Variants in ACTN4 observed in about 807,000 individuals in gnomAD.
ACTN4 encodes alpha-actinin-4.
A neutral mutation model predicts 114.2 loss-of-function variants in ACTN4; 18 were observed. The observed-to-expected ratio is 0.16, with a 90% CI of 0.11 to 0.23. ACTN4 has a LOEUF of 0.23. Among genes scored for constraint, ACTN4 ranks in the 10% least tolerant of loss-of-function variants. The pLI is 1.00. For synonymous variants in ACTN4, 515 were observed against 506.3 expected, an observed-to-expected ratio of 1.02 and a Z score of -0.23; for missense variants, 722 against 1,262.9, an observed-to-expected ratio of 0.57 and a Z score of 6.49.
At chr19:38,701,254 C>G in intron 3 of ACTN4, 133 bp downstream of exon 3, 2 of 1,437,364 alleles carry the variant, frequency 1.4e-6, no homozygotes, top group East Asian at 4.8e-5. Flanking sequence ...CCAGTACATA[C>G]TCAGCAGTGA....
At chr19:38,670,777 G>C (rs1331648219) in intron 1 of ACTN4, among the ~76,000 whole-genome samples, 22 of 152,062 alleles carry the variant, frequency 1.4e-4, no homozygotes, top group Admixed American at 1.4e-3. Flanking sequence ...ACAAAAATTA[G>C]CTGAGCGTGG....
chr19:38,698,742 AGGT>A (rs1004493580), intron 1 of ACTN4, among the ~76,000 whole-genome samples: 1 of 152,070 alleles, frequency 6.6e-6, no homozygotes, highest in African/African-American at 2.4e-5. Flanking sequence ...CCATGGTGAG[AGGT>A]GGTGGTGGGG....
At chr19:38,705,270 C>G (rs1568724133) in intron 4 of ACTN4, among the ~76,000 whole-genome samples, 1 of 152,200 alleles carries the variant, frequency 6.6e-6, no homozygotes, top group Non-Finnish European at 1.5e-5. Context: ...CTCACGCCAC[C>G]CTCATGAGAT....
intron 1 of ACTN4, among the ~76,000 whole-genome samples, chr19:38,673,225 G>A (rs912556676): frequency 6.6e-6 from 1 of 151,450 alleles, no homozygotes; most frequent in Admixed American, 6.6e-5. Context: ...TTACAGGCAT[G>A]AGCCACCACA....
At chr19:38,703,370 C>T (rs1968347635) in intron 3 of ACTN4, among the ~76,000 whole-genome samples, 1 of 151,792 alleles carries the variant, frequency 6.6e-6, no homozygotes, top group African/African-American at 2.4e-5. Context: ...TCCAGAGTAG[C>T]TGGGATTACA....
chr19:38,716,354 C>T (rs1359579527), intron 9 of ACTN4, among the ~76,000 whole-genome samples: 1 of 152,272 alleles, frequency 6.6e-6, no homozygotes, highest in Non-Finnish European at 1.5e-5. Context: ...CCTAGCCAGA[C>T]TGAGCCAGGT....
chr19:38,664,504 G>A (rs1379109410), intron 1 of ACTN4, among the ~76,000 whole-genome samples: 1 of 152,124 alleles, frequency 6.6e-6, no homozygotes, highest in African/African-American at 2.4e-5. Flanking sequence ...CTCAGTTCGT[G>A]CAAGTAAGGT....
At chr19:38,713,208 T>A (rs1260699694) in intron 8 of ACTN4, among the ~76,000 whole-genome samples, 1 of 152,204 alleles carries the variant, frequency 6.6e-6, no homozygotes, top group East Asian at 1.9e-4. Context: ...CACCGAAGCG[T>A]TCCCGCCTCG....
chr19:38,675,562 A>G (rs1967347032), intron 1 of ACTN4, among the ~76,000 whole-genome samples: 1 of 152,114 alleles, frequency 6.6e-6, no homozygotes, highest in Non-Finnish European at 1.5e-5. Flanking sequence ...AAGCCCAGAA[A>G]TTTCTTTCAA....
At chr19:38,650,931 C>G (rs939690304) in intron 1 of ACTN4, among the ~76,000 whole-genome samples, 1 of 152,194 alleles carries the variant, frequency 6.6e-6, no homozygotes, top group Non-Finnish European at 1.5e-5. Context: ...CGGGGTTTCT[C>G]CATGTTGGTC....
At chr19:38,726,539 A>C (rs1416861676) in intron 17 of ACTN4, among the ~76,000 whole-genome samples, 1 of 152,140 alleles carries the variant, frequency 6.6e-6, no homozygotes, top group East Asian at 1.9e-4. Context: ...GGGACATTAC[A>C]AGCTGGTCGC....
At position 38,713,694 on chromosome 19, in the gene ACTN4, C is replaced by T. The variant is rs1968742878; in HGVS notation, c.820-775C>T. On this transcript the variant is annotated intron_variant, in intron 8 of 20. Coordinates refer to ENST00000252699, the MANE Select transcript of ACTN4 (RefSeq NM_004924.6). ...TGGCCAAGCCTCTCCATTTTCCTTC[C>T]CCATCACTCTGTAGACCCTCCTCAC... is the stretch of plus-strand genomic sequence containing the variant. Among the ~76,000 whole-genome samples the T allele has an allele frequency of 2.6e-5, 4 of 152,212 alleles. No individual in the cohort carries two copies. The South Asian group carries it at 8.3e-4, about 32-fold the overall frequency.
At chr19:38,665,889 A>T (rs1266021598) in intron 1 of ACTN4, among the ~76,000 whole-genome samples, 1 of 152,000 alleles carries the variant, frequency 6.6e-6, no homozygotes, top group African/African-American at 2.4e-5. Context: ...GCAAAGTCCA[A>T]CTCAAGTTAG....
chr19:38,715,351 G>C (rs1238183097), intron 9 of ACTN4, among the ~76,000 whole-genome samples: 1 of 152,120 alleles, frequency 6.6e-6, no homozygotes, highest in Non-Finnish European at 1.5e-5. Flanking sequence ...ACAAAAATTA[G>C]CCGGGTGTTG....
rs1360372158 is a variant in ACTN4, at chr19:38,700,581, C to A, written c.163-19C>A. 3 of 1,602,742 alleles carry A rather than the reference C, an allele frequency of 1.9e-6. No homozygotes were observed. The highest frequency in any genetic ancestry group is 2.6e-6 in the Non-Finnish European group (3 of 1,169,690). ...AGCCAGGCTGACTCTGCGCACTGTC[C>A]TTTGTTCTGCTTCCCCAGACCTTCA... is the stretch of plus-strand genomic sequence containing the variant. On this transcript the variant is annotated intron_variant, in intron 1 of 20. Coordinates refer to ENST00000252699, the MANE Select transcript of ACTN4 (RefSeq NM_004924.6).
At chr19:38,673,103 T>C (rs2144888159) in intron 1 of ACTN4, among the ~76,000 whole-genome samples, 1 of 151,716 alleles carries the variant, frequency 6.6e-6, no homozygotes, top group South Asian at 2.1e-4. Context: ...CCACCATGCC[T>C]GGCCAGTTTT....
chr19:38,678,406 A>C (rs914161534), intron 1 of ACTN4, among the ~76,000 whole-genome samples: 1 of 152,214 alleles, frequency 6.6e-6, no homozygotes, highest in South Asian at 2.1e-4. Context: ...ACCTTCCTGC[A>C]GCTGGGTTTA....
Position 38,706,110 on chromosome 19 carries a change from A to G in ACTN4, c.551A>G (p.Asn184Ser), listed in dbSNP as rs202126611. 1.5e-5 allele frequency: 24 copies of G among 1,614,084 alleles called. No homozygotes were observed. The highest frequency in any genetic ancestry group is 2.2e-5 in the East Asian group (1 of 44,876). Reference sequence around the variant, plus strand: ...AAGACAGCCCCGTATAAGAACGTCAATGTGCAGAACTTCCACATCAGGTAA... The same window carrying G: ...AAGACAGCCCCGTATAAGAACGTCAGTGTGCAGAACTTCCACATCAGGTAA... ...QRKTAPYKNV[N>S]VQNFHISWKD... Residue 184 changes from asparagine (N) to serine (S), a missense_variant, in exon 5 of 21, where the codon AAT (asparagine) becomes AGT (serine). By Grantham distance (46) the Asn-to-Ser change is conservative. This residue lies in a region of ACTN4 where 127 missense variants were observed against 311.3 expected (regional missense o/e 0.41). Transcript: ENST00000252699.
intron 1 of ACTN4, among the ~76,000 whole-genome samples, chr19:38,669,997 C>T (rs1967080006): frequency 6.6e-6 from 1 of 152,176 alleles, no homozygotes; most frequent in African/African-American, 2.4e-5. Flanking sequence ...TAGCTGTTCA[C>T]TCTTAGCGCC....
Sources: gnomAD v4.1 joint callset for allele counts (sites outside exome capture counted in the v4.1 genomes callset) on GRCh38, gnomAD v4.1.1 for gene constraint, gnomAD v4.1.1 regional missense constraint, MANE v1.5 for transcripts, NCBI Gene and HGNC (gene_info 2026-07-23, HGNC 2026-07-21) for gene names.